Variants in AOPEP observed in about 807,000 individuals in gnomAD.
AOPEP encodes the protein aminopeptidase O.
In AOPEP, 77 loss-of-function variants were observed where a neutral mutation model predicts 98.1. The ratio of observed to expected loss-of-function variants is 0.78; its 90% confidence interval spans 0.65 to 0.95. The LOEUF is 0.95. Among genes scored for constraint, AOPEP ranks in the 40% least tolerant of loss-of-function variants. AOPEP has a pLI of 0.00. For missense variants in AOPEP, 1,024 were observed against 1,024.7 expected (o/e 1.00, Z 0.01); for synonymous variants, 346 against 365.3 (o/e 0.95, Z 0.60).
At chr9:94,879,906 T>C (rs547315961) in intron 5 of AOPEP, among the ~76,000 whole-genome samples, 4 of 152,354 alleles carry the variant, frequency 2.6e-5, no homozygotes, top group Non-Finnish European at 5.9e-5. Context: ...TGCAGGCCTT[T>C]TAACAACGGA....
intron 5 of AOPEP, among the ~76,000 whole-genome samples, chr9:94,860,891 C>G (rs1012771532): frequency 3.3e-5 from 5 of 152,208 alleles, no homozygotes; most frequent in African/African-American, 1.2e-4. Flanking sequence ...CATAATTGAC[C>G]GTTGAGTCAG....
At chr9:94,973,669 A>G (rs1010174847) in intron 10 of AOPEP, among the ~76,000 whole-genome samples, 3 of 152,262 alleles carry the variant, frequency 2.0e-5, no homozygotes, top group African/African-American at 7.2e-5. Flanking sequence ...CCCAGGGCTA[A>G]GGCCTGGGTT....
chr9:95,007,289 T>C (rs995251372), intron 13 of AOPEP, among the ~76,000 whole-genome samples: 1 of 151,862 alleles, frequency 6.6e-6, no homozygotes, highest in Non-Finnish European at 1.5e-5. Flanking sequence ...TGTGGATTAC[T>C]AGATGTTGTC....
intron 5 of AOPEP, among the ~76,000 whole-genome samples, chr9:94,855,551 A>G (rs1163155370): frequency 6.6e-6 from 1 of 151,962 alleles, no homozygotes; most frequent in African/African-American, 2.4e-5. Context: ...GCCAGACGTG[A>G]TGGCGCATGC....
chr9:94,996,308 A>G (rs1241469912), intron 11 of AOPEP, among the ~76,000 whole-genome samples: 1 of 151,596 alleles, frequency 6.6e-6, no homozygotes, highest in Non-Finnish European at 1.5e-5. Context: ...TATATTTGGA[A>G]CAGCCACTCC....
intron 3 of AOPEP, among the ~76,000 whole-genome samples, chr9:94,788,554 G>A (rs886212280): frequency 7.9e-5 from 12 of 151,654 alleles, no homozygotes; most frequent in South Asian, 4.2e-4. Flanking sequence ...AGGCTTTCTA[G>A]GGATGGCTGG....
intron 7 of AOPEP, among the ~76,000 whole-genome samples, chr9:94,941,239 A>G (rs72750324): frequency 0.012 from 1,837 of 152,264 alleles, 31 homozygotes; most frequent in East Asian, 0.044. Context: ...ACCACTGTCC[A>G]GAGTGGAAAA....
At chr9:94,780,691 C>T (rs1206611483) in intron 3 of AOPEP, among the ~76,000 whole-genome samples, 1 of 152,216 alleles carries the variant, frequency 6.6e-6, no homozygotes, top group African/African-American at 2.4e-5. Context: ...GATGCTATTT[C>T]CTTTCTAAGT....
intron 13 of AOPEP, among the ~76,000 whole-genome samples, chr9:95,024,018 C>G (rs1277951625): frequency 6.6e-6 from 1 of 152,134 alleles, no homozygotes; most frequent in African/African-American, 2.4e-5. Flanking sequence ...CTCAGTGGAC[C>G]GACACTGGCT....
intron 13 of AOPEP, among the ~76,000 whole-genome samples, chr9:95,025,686 G>A (rs956222223): frequency 6.6e-6 from 1 of 152,012 alleles, no homozygotes; most frequent in African/African-American, 2.4e-5. Context: ...TTGAAGTTTG[G>A]GAGGTAAGTG....
At chr9:94,964,266 A>AG (rs1288565912) in intron 9 of AOPEP, among the ~76,000 whole-genome samples, 1 of 152,192 alleles carries the variant, frequency 6.6e-6, no homozygotes. Flanking sequence ...TGAGGTAGGA[A>AG]GAGGCAGGTG....
the AOPEP span, among the ~76,000 whole-genome samples, chr9:95,133,487 A>C: frequency 6.6e-6 from 1 of 152,254 alleles, no homozygotes; most frequent in Non-Finnish European, 1.5e-5. Flanking sequence ...TGTAAACTAC[A>C]AACTGGAGAC....
rs543384354 is a variant in AOPEP, at chr9:94,936,722, C to A, written c.1661+8191C>A. ...GTGAGGGCTCAGTCCCACAAGACTG[C>A]CTTCCACCTCCGACACCAGTCACAC... On this transcript the variant is annotated intron_variant, in intron 7 of 16. Transcript: ENST00000375315. Among the ~76,000 whole-genome samples the A allele has an allele frequency of 7.9e-5, 12 of 152,308 alleles. 1 individual carries two copies. In the South Asian group the frequency reaches 2.3e-3, roughly 29 times the overall value.
chr9:95,013,090 C>T (rs1252483038), intron 13 of AOPEP, among the ~76,000 whole-genome samples: 1 of 151,324 alleles, frequency 6.6e-6, no homozygotes, highest in East Asian at 1.9e-4. Flanking sequence ...ATCATGTGTC[C>T]CTTGAGTTTG....
chr9:95,048,491 C>G (rs989547433), intron 13 of AOPEP, among the ~76,000 whole-genome samples: 1 of 152,074 alleles, frequency 6.6e-6, no homozygotes, highest in Non-Finnish European at 1.5e-5. Flanking sequence ...TGCCGGCGGC[C>G]GAGATACTCA....
intron 7 of AOPEP, among the ~76,000 whole-genome samples, chr9:94,948,049 A>G (rs1193551690): frequency 6.6e-6 from 1 of 152,176 alleles, no homozygotes. Flanking sequence ...CAAACAGTTA[A>G]TTTTTTAAAA....
chr9:95,067,502 G>A (rs1414084739), intron 14 of AOPEP, among the ~76,000 whole-genome samples: 1 of 152,174 alleles, frequency 6.6e-6, no homozygotes, highest in Non-Finnish European at 1.5e-5. Context: ...AAATGCCCAG[G>A]CTGGGCACAG....
At chr9:94,984,158 C>G (rs1000540839) in intron 11 of AOPEP, among the ~76,000 whole-genome samples, 1 of 144,094 alleles carries the variant, frequency 6.9e-6, no homozygotes, top group Non-Finnish European at 1.5e-5. Flanking sequence ...CTCAGGCTCC[C>G]AAGTAGCTGG....
intron 11 of AOPEP, among the ~76,000 whole-genome samples, chr9:94,981,454 GT>G (rs1486726007): frequency 3.3e-5 from 5 of 152,168 alleles, no homozygotes; most frequent in Non-Finnish European, 7.4e-5. Context: ...TCACTGTTCA[GT>G]AAAAACAACA....
Sources: allele counts gnomAD v4.1 joint callset (sites outside exome capture counted in the v4.1 genomes callset), GRCh38; gene constraint gnomAD v4.1.1; transcripts MANE v1.5; gene names NCBI Gene and HGNC (gene_info 2026-07-23, HGNC 2026-07-21).